MSRB3: variants seen among roughly 807,000 people sequenced by gnomAD.
MSRB3 encodes the protein methionine-R-sulfoxide reductase B3.
MSRB3 carries 13 observed loss-of-function variants against 21.0 expected under a neutral mutation model. The ratio of observed to expected loss-of-function variants is 0.62; its 90% CI spans 0.40 to 0.98. The LOEUF is 0.98. Among genes scored for constraint, MSRB3 ranks in the 50% least tolerant of loss-of-function variants. The pLI is 0.00. For missense variants in MSRB3, 199 were observed against 230.3 expected (o/e 0.86, Z 0.88); for synonymous variants, 87 against 88.6 (o/e 0.98, Z 0.10).
intron 5 of MSRB3, among the ~76,000 whole-genome samples, chr12:65,377,477 T>G (rs1878695003): frequency 6.6e-6 from 1 of 152,132 alleles, no homozygotes; most frequent in Admixed American, 6.5e-5. Flanking sequence ...TTTTTGTATT[T>G]TCAGTAGAGA....
At chr12:65,299,994 GT>G (rs1873218439) in intron 1 of MSRB3, among the ~76,000 whole-genome samples, 1 of 152,152 alleles carries the variant, frequency 6.6e-6, no homozygotes, top group Non-Finnish European at 1.5e-5. Context: ...GATCTCAGCT[GT>G]TGAAAGAAAC....
At chr12:65,378,230 T>G (rs1321264859) in intron 5 of MSRB3, among the ~76,000 whole-genome samples, 1 of 152,154 alleles carries the variant, frequency 6.6e-6, no homozygotes, top group Non-Finnish European at 1.5e-5. Flanking sequence ...AGGAATTACA[T>G]TATCTAACCT....
chr12:65,405,451 A>G (rs772792390), intron 5 of MSRB3, among the ~76,000 whole-genome samples: 3 of 151,364 alleles, frequency 2.0e-5, no homozygotes, highest in Non-Finnish European at 4.4e-5. Context: ...TATGATATAT[A>G]TATATACACC....
intron 1 of MSRB3, among the ~76,000 whole-genome samples, chr12:65,294,751 T>C (rs1017813076): frequency 1.3e-5 from 2 of 149,738 alleles, no homozygotes; most frequent in Non-Finnish European, 3.0e-5. Context: ...CTCTTTGTAC[T>C]ATAGTTTTAT....
chr12:65,317,413 C>T (rs1432210747), intron 2 of MSRB3, among the ~76,000 whole-genome samples: 4 of 152,128 alleles, frequency 2.6e-5, no homozygotes, highest in Non-Finnish European at 5.9e-5. Context: ...AATGGGGTAT[C>T]AAATGACCAC....
At chr12:65,445,718 T>TCACTGCAA (rs1242835210) in intron 5 of MSRB3, among the ~76,000 whole-genome samples, 1 of 151,168 alleles carries the variant, frequency 6.6e-6, no homozygotes, top group African/African-American at 2.4e-5. Flanking sequence ...CAATCTTGGC[T>TCACTGCAA]CACTGCAACT....
intron 4 of MSRB3, among the ~76,000 whole-genome samples, chr12:65,343,405 A>G (rs1876270439): frequency 6.6e-6 from 1 of 152,046 alleles, no homozygotes; most frequent in Admixed American, 6.6e-5. Flanking sequence ...ACTACCTTCC[A>G]TCTTCCTGTA....
intron 4 of MSRB3, among the ~76,000 whole-genome samples, chr12:65,335,171 C>T (rs930438971): frequency 7.2e-5 from 11 of 152,090 alleles, no homozygotes; most frequent in African/African-American, 2.2e-4. Context: ...AAAAATGCCT[C>T]GAATATGCCA....
intron 5 of MSRB3, among the ~76,000 whole-genome samples, chr12:65,391,414 G>C (rs1430469487): frequency 6.6e-6 from 1 of 152,174 alleles, no homozygotes; most frequent in Admixed American, 6.5e-5. Context: ...CTCTTCAGAG[G>C]CAAGAAGCTG....
chr12:65,279,277 G>T (rs893554519), intron 1 of MSRB3: 2 of 170,412 alleles, frequency 1.2e-5, no homozygotes, highest in Non-Finnish European at 2.4e-5. Context: ...ACCCTGCCGG[G>T]GTTGCCGCTC....
intron 5 of MSRB3, among the ~76,000 whole-genome samples, chr12:65,397,587 ATTATAC>A (rs1879884644): frequency 6.6e-6 from 1 of 152,026 alleles, no homozygotes; most frequent in South Asian, 2.1e-4. Flanking sequence ...GAAAAGTACA[ATTATAC>A]TTCTTTACTT....
At chr12:65,403,812 C>T (rs545397062) in intron 5 of MSRB3, among the ~76,000 whole-genome samples, 11 of 152,264 alleles carry the variant, frequency 7.2e-5, no homozygotes, top group South Asian at 2.1e-4. Context: ...CAGAGTGCAG[C>T]GTTCCTCATG....
At chr12:65,347,126 T>C (rs138324997) in intron 4 of MSRB3, among the ~76,000 whole-genome samples, 4,030 of 152,280 alleles carry the variant, frequency 0.026, 193 homozygotes, top group African/African-American at 0.092. Flanking sequence ...GTGAAGAAAG[T>C]CATTGGTAGC....
intron 5 of MSRB3, among the ~76,000 whole-genome samples, chr12:65,421,225 C>T (rs1246813531): frequency 6.6e-6 from 1 of 150,924 alleles, no homozygotes; most frequent in Non-Finnish European, 1.5e-5. Flanking sequence ...GCACTATTGA[C>T]CTTTTTTTCA....
chr12:65,364,300 T>C (rs1877879547), intron 4 of MSRB3, among the ~76,000 whole-genome samples: 1 of 152,168 alleles, frequency 6.6e-6, no homozygotes, highest in Non-Finnish European at 1.5e-5. Context: ...TGGAAATATG[T>C]CTGTGTGCCC....
At chr12:65,374,847 ATCTT>A (rs756974233) in intron 5 of MSRB3, among the ~76,000 whole-genome samples, 8 of 152,064 alleles carry the variant, frequency 5.3e-5, no homozygotes, top group Admixed American at 1.3e-4. Flanking sequence ...CTCTATAGCA[ATCTT>A]TCTTTCTTTC....
intron 5 of MSRB3, among the ~76,000 whole-genome samples, chr12:65,384,298 T>C (rs1879098989): frequency 6.6e-6 from 1 of 152,218 alleles, no homozygotes; most frequent in South Asian, 2.1e-4. Flanking sequence ...ATATGAATTT[T>C]GATATCTATT....
At chr12:65,344,713 C>T (rs542303838) in intron 4 of MSRB3, among the ~76,000 whole-genome samples, 28 of 151,818 alleles carry the variant, frequency 1.8e-4, no homozygotes, top group Admixed American at 1.8e-3. Context: ...GGGCAAAAAG[C>T]TACATTCAGG....
At chr12:65,402,889 G>T (rs1229052044) in intron 5 of MSRB3, among the ~76,000 whole-genome samples, 1 of 152,296 alleles carries the variant, frequency 6.6e-6, no homozygotes, top group Admixed American at 6.5e-5. Context: ...GGAGTTTGCT[G>T]GAGGTCCACT....
Sources: allele counts gnomAD v4.1 joint callset (sites outside exome capture counted in the v4.1 genomes callset), GRCh38; gene constraint gnomAD v4.1.1; transcripts MANE v1.5; gene names NCBI Gene and HGNC (gene_info 2026-07-23, HGNC 2026-07-21).